Variants in RARS2 observed in about 807,000 individuals in gnomAD.
RARS2 encodes arginyl-tRNA synthetase 2, mitochondrial.
Under a neutral mutation model 88.5 loss-of-function variants are expected in RARS2, and 67 were observed. The ratio of observed to expected loss-of-function variants is 0.76; its 90% confidence interval spans 0.62 to 0.93. RARS2 has a LOEUF of 0.93. Ranked by LOEUF, RARS2 falls within the 40% of genes least tolerant of loss-of-function variation. The pLI, the probability that RARS2 is intolerant of heterozygous loss-of-function variation, is 0.00. For synonymous variants in RARS2, 239 were observed against 230.3 expected (o/e 1.04, Z -0.34); for missense variants, 664 against 684.2 (o/e 0.97, Z 0.33).
intron 12 of RARS2, 46 bp from the exon 13 acceptor site, chr6:87,520,302 A>G: frequency 1.4e-6 from 2 of 1,397,902 alleles, no homozygotes; most frequent in Non-Finnish European, 1.0e-6. Context: ...TGACAAATTA[A>G]TGTATAAAAA....
At chr6:87,577,738 T>C (rs1182944050) in intron 1 of RARS2, among the ~76,000 whole-genome samples, 2 of 152,116 alleles carry the variant, frequency 1.3e-5, no homozygotes, top group Non-Finnish European at 2.9e-5. Context: ...CCAACATAAA[T>C]TGGTAAAGGT....
intron 1 of RARS2, among the ~76,000 whole-genome samples, chr6:87,582,368 CT>C (rs71029361): frequency 6.6e-6 from 1 of 152,100 alleles, no homozygotes; most frequent in Non-Finnish European, 1.5e-5. Flanking sequence ...TGATGTTGAG[CT>C]TTTTTTCGAA....
intron 9 of RARS2, among the ~76,000 whole-genome samples, chr6:87,530,339 CATAGTT>C (rs1234456181): frequency 6.6e-6 from 1 of 152,164 alleles, no homozygotes; most frequent in Non-Finnish European, 1.5e-5. Flanking sequence ...TTAATAAAAA[CATAGTT>C]GTTTCTTGCT....
At chr6:87,576,980 C>T (rs1035942508) in intron 1 of RARS2, among the ~76,000 whole-genome samples, 8 of 152,066 alleles carry the variant, frequency 5.3e-5, no homozygotes, top group Non-Finnish European at 8.8e-5. Flanking sequence ...TAGATTCATT[C>T]GATAAAGAAG....
chr6:87,515,993 C>T (rs898436730), intron 18 of RARS2: 1 of 151,090 alleles, frequency 6.6e-6, no homozygotes, highest in African/African-American at 2.4e-5. Context: ...AGCTTCTTCA[C>T]CTCTGTATGT....
intron 2 of RARS2, chr6:87,564,514 C>A (rs1054665306): frequency 5.9e-5 from 23 of 389,308 alleles, no homozygotes; most frequent in Non-Finnish European, 7.3e-5. Flanking sequence ...CACACACACA[C>A]AAAAATTAGC....
At position 87,518,165 on chromosome 6, in the gene RARS2, A is replaced by C. The variant is rs747679710; in HGVS notation, c.1511+4T>G. ...CACTTGATGATCCCTGGAAAACATC[A>C]TACCTGAGAAGATGCTGAAGAATTG... On this transcript the variant is annotated splice_donor_region_variant and intron_variant, in intron 17 of 19. Transcript: ENST00000369536. 65 of 1,614,074 alleles carry C rather than the reference A, an allele frequency of 4.0e-5. No individual in the cohort carries two copies. Among genetic ancestry groups the C allele is most frequent in the Non-Finnish European group, 5.3e-5 (63 of 1,180,022 alleles).
At chr6:87,522,415 C>A (rs1774221402) in intron 11 of RARS2, among the ~76,000 whole-genome samples, 1 of 148,712 alleles carries the variant, frequency 6.7e-6, no homozygotes, top group South Asian at 2.1e-4. Flanking sequence ...ATACAAATAT[C>A]TAGTTTGCAT....
In RARS2 at chr6:87,519,667, T is replaced by C. The variant is rs777633439; in HGVS notation, c.1153A>G (p.Thr385Ala). The change falls in exon 14 of 20, where the codon ACT becomes GCT. Residue 385 changes from threonine (T) to alanine (A), a missense_variant. Physicochemically the swap from Thr to Ala is moderately conservative, Grantham distance 58. Coordinates refer to ENST00000369536, the MANE Select transcript of RARS2 (RefSeq NM_020320.5). Reference sequence around the variant, plus strand: ...AGGAAAGTGACATCTCCTCTTCGAGTCTTCATTCCCTGTACTACTCCAAAG... The same window carrying C: ...AGGAAAGTGACATCTCCTCTTCGAGCCTTCATTCCCTGTACTACTCCAAAG... ...VPFGVVQGMK[T>A]RRGDVTFLED... is the part of the protein sequence containing the mutation. 1 of 1,613,636 alleles carries C rather than the reference T, an allele frequency of 6.2e-7. No homozygotes were observed. Among genetic ancestry groups the C allele is most frequent in the South Asian group, 1.1e-5 (1 of 91,068 alleles).
rs745640496 is a variant in RARS2 at position 87,530,778 on chromosome 6, C to T, written c.771+6G>A. The stretch of plus-strand genomic sequence containing the variant: ...TGGGAAAGCAGAAGGGAGGGTCAAC[C>T]AATACCTTGTAAACCCGAATGTACT... On this transcript the variant is annotated splice_donor_region_variant and intron_variant, in intron 9 of 19. Transcript: ENST00000369536. 6.2e-7 allele frequency: 1 copy of T among 1,614,096 alleles called. No homozygotes were observed. Among genetic ancestry groups the T allele is most frequent in the Admixed American group, 1.7e-5 (1 of 60,020 alleles).
chr6:87,557,008 TAA>T (rs1372827887), intron 4 of RARS2, among the ~76,000 whole-genome samples: 3 of 151,724 alleles, frequency 2.0e-5, no homozygotes, highest in Non-Finnish European at 1.5e-5. Flanking sequence ...ATTTTATTAT[TAA>T]AGAGTTGGTT....
At chr6:87,554,859 T>C (rs1226870649) in intron 5 of RARS2, among the ~76,000 whole-genome samples, 2 of 152,058 alleles carry the variant, frequency 1.3e-5, no homozygotes, top group Non-Finnish European at 2.9e-5. Context: ...CCAGCACTTT[T>C]TGGGAGGCTG....
intron 8 of RARS2, among the ~76,000 whole-genome samples, chr6:87,537,052 T>C (rs978902245): frequency 1.3e-5 from 2 of 152,248 alleles, no homozygotes; most frequent in Non-Finnish European, 2.9e-5. Flanking sequence ...GAAACTATCA[T>C]ACAATATCAT....
At chr6:87,554,132 G>T (rs1414797174) in intron 5 of RARS2, among the ~76,000 whole-genome samples, 5 of 152,026 alleles carry the variant, frequency 3.3e-5, no homozygotes, top group African/African-American at 4.8e-5. Flanking sequence ...AAGACAAAAG[G>T]CTCTTAGCAA....
At chr6:87,516,024 A>G (rs2127991546) in intron 18 of RARS2, 1 of 152,280 alleles carries the variant, frequency 6.6e-6, no homozygotes, top group South Asian at 2.1e-4. Flanking sequence ...ATTTAAAGGA[A>G]GAAAAAAATC....
intron 2 of RARS2, among the ~76,000 whole-genome samples, chr6:87,566,759 T>C (rs1767975319): frequency 6.8e-6 from 1 of 146,096 alleles, no homozygotes; most frequent in Admixed American, 7.2e-5. Flanking sequence ...GATGGGAGGA[T>C]AGCTTGAGCC....
At chr6:87,522,952 T>C (rs1008676210) in intron 11 of RARS2, among the ~76,000 whole-genome samples, 9 of 152,196 alleles carry the variant, frequency 5.9e-5, no homozygotes, top group African/African-American at 1.9e-4. Flanking sequence ...CAGATATGTA[T>C]ACAATATATA....
chr6:87,589,278 AGGAG>A (rs1776224555), intron 1 of RARS2, among the ~76,000 whole-genome samples: 1 of 152,178 alleles, frequency 6.6e-6, no homozygotes, highest in Non-Finnish European at 1.5e-5. Flanking sequence ...AGGGAAGCAG[AGGAG>A]GGAGGACAGC....
intron 16 of RARS2, 153 bp downstream of exon 16, chr6:87,518,477 T>TA: frequency 7.7e-7 from 1 of 1,305,812 alleles, no homozygotes; most frequent in East Asian, 2.6e-5. Context: ...CTCAATAAAT[T>TA]TTTTTTTTTT....
Sources: gnomAD v4.1 joint callset for allele counts (sites outside exome capture counted in the v4.1 genomes callset) on GRCh38, gnomAD v4.1.1 for gene constraint, MANE v1.5 for transcripts, NCBI Gene and HGNC (gene_info 2026-07-23, HGNC 2026-07-21) for gene names.